Variants in DISC1 observed in about 807,000 individuals in gnomAD.
The protein encoded by DISC1 is DISC1 scaffold protein.
In DISC1, 57 loss-of-function variants were observed where a neutral mutation model predicts 84.5. That is an observed-to-expected ratio of 0.67 (90% CI 0.55 to 0.84). The LOEUF (loss-of-function observed/expected upper bound fraction) is 0.84. Among genes scored for constraint, DISC1 ranks in the 40% least tolerant of loss-of-function variants. The pLI, the probability that DISC1 is intolerant of heterozygous loss-of-function variation, is 0.00. For synonymous variants in DISC1, 411 were observed against 415.2 expected, an observed-to-expected ratio of 0.99 and a Z score of 0.12; for missense variants, 1,000 against 1,057.8, an observed-to-expected ratio of 0.95 and a Z score of 0.76.
At chr1:231,713,705 T>G (rs1231841219) in intron 3 of DISC1, among the ~76,000 whole-genome samples, 8 of 47,840 alleles carry the variant, frequency 1.7e-4, no homozygotes, top group African/African-American at 6.9e-4. Flanking sequence ...ATATAGGAGA[T>G]ATATATATAT....
At chr1:231,856,265 A>G (rs1039222850) in intron 9 of DISC1, among the ~76,000 whole-genome samples, 1 of 152,112 alleles carries the variant, frequency 6.6e-6, no homozygotes, top group African/African-American at 2.4e-5. Flanking sequence ...GAAACTGTGC[A>G]ATGAAGAGGC....
At chr1:231,776,109 C>T (rs1368168861) in intron 6 of DISC1, among the ~76,000 whole-genome samples, 2 of 152,124 alleles carry the variant, frequency 1.3e-5, no homozygotes, top group African/African-American at 4.8e-5. Flanking sequence ...CCTCCCCTGG[C>T]TTCTTGTTGG....
At chr1:232,020,498 C>T (rs1193646434) in intron 11 of DISC1, among the ~76,000 whole-genome samples, 30 of 152,086 alleles carry the variant, frequency 2.0e-4, no homozygotes, top group Admixed American at 1.8e-3. Context: ...GGAAGGTTTC[C>T]GACATTCTTA....
At chr1:231,656,592 T>C (rs949333896) in intron 1 of DISC1, among the ~76,000 whole-genome samples, 1 of 152,134 alleles carries the variant, frequency 6.6e-6, no homozygotes, top group African/African-American at 2.4e-5. Flanking sequence ...TCTATATGAA[T>C]TTTAGGATTG....
intron 1 of DISC1, among the ~76,000 whole-genome samples, chr1:231,657,322 A>G (rs1181731330): frequency 6.6e-6 from 1 of 152,232 alleles, no homozygotes; most frequent in African/African-American, 2.4e-5. Flanking sequence ...AGTAACAGCC[A>G]TTCTGACTGG....
chr1:231,670,877 G>A (rs958842249), intron 1 of DISC1: 1 of 152,158 alleles, frequency 6.6e-6, no homozygotes, highest in East Asian at 1.9e-4. Context: ...GCCTATGGTT[G>A]TTTTAGTATC....
intron 9 of DISC1, among the ~76,000 whole-genome samples, chr1:231,893,802 C>T (rs552762642): frequency 6.6e-5 from 10 of 152,212 alleles, no homozygotes; most frequent in South Asian, 2.1e-4. Flanking sequence ...GGGGAGATGA[C>T]GCTTACTCTG....
At chr1:231,914,660 G>A (rs980780989) in intron 9 of DISC1, among the ~76,000 whole-genome samples, 2 of 152,170 alleles carry the variant, frequency 1.3e-5, no homozygotes, top group Admixed American at 6.5e-5. Context: ...ATCCGTCCCC[G>A]TGATTATACA....
At chr1:231,651,001 G>A (rs1444036457) in intron 1 of DISC1, among the ~76,000 whole-genome samples, 1 of 152,046 alleles carries the variant, frequency 6.6e-6, no homozygotes, top group Non-Finnish European at 1.5e-5. Flanking sequence ...CTAGCAATGG[G>A]TTCAAATGTC....
chr1:232,021,127 G>A (rs1019697753), intron 11 of DISC1, among the ~76,000 whole-genome samples: 1 of 152,130 alleles, frequency 6.6e-6, no homozygotes, highest in Non-Finnish European at 1.5e-5. Flanking sequence ...GTGAGGGTCC[G>A]GGAGACAGGA....
chr1:231,772,670 C>T (rs200121174), intron 6 of DISC1, among the ~76,000 whole-genome samples: 3 of 152,190 alleles, frequency 2.0e-5, no homozygotes, highest in Non-Finnish European at 4.4e-5. Context: ...TTCCAGTCGT[C>T]GTCTTTACAA....
chr1:231,952,074 C>CCTT (rs1377303029), intron 9 of DISC1, among the ~76,000 whole-genome samples: 1 of 128,874 alleles, frequency 7.8e-6, no homozygotes, highest in Non-Finnish European at 1.6e-5. Context: ...CAGAGCAAGA[C>CCTT]CTTGTCTCAA....
At chr1:231,674,252 T>A (rs1030579244) in intron 1 of DISC1, among the ~76,000 whole-genome samples, 4 of 131,330 alleles carry the variant, frequency 3.0e-5, no homozygotes, top group African/African-American at 1.8e-4. Flanking sequence ...GTTTTTGATT[T>A]TTTTTTTTCC....
intron 9 of DISC1, 67 bp from the exon 10 acceptor site, chr1:231,958,761 G>T: frequency 6.7e-7 from 1 of 1,496,332 alleles, no homozygotes; most frequent in Non-Finnish European, 9.3e-7. Flanking sequence ...TGAGCTTTTA[G>T]TTGAATGGTT....
At chr1:231,756,121 A>G (rs1445611833) in intron 4 of DISC1, among the ~76,000 whole-genome samples, 1 of 152,178 alleles carries the variant, frequency 6.6e-6, no homozygotes, top group East Asian at 1.9e-4. Flanking sequence ...GAAATATTAT[A>G]TGTTACCCCC....
intron 4 of DISC1, among the ~76,000 whole-genome samples, chr1:231,762,718 TG>T (rs1193733412): frequency 6.6e-6 from 1 of 151,870 alleles, no homozygotes; most frequent in African/African-American, 2.4e-5. Context: ...ATACAAACAT[TG>T]AGATCCTGGG....
intron 9 of DISC1, among the ~76,000 whole-genome samples, chr1:231,831,447 C>T (rs375511658): frequency 0.032 from 3,805 of 120,644 alleles, no homozygotes; most frequent in Admixed American, 0.061. Context: ...TGGGAAGAGA[C>T]TGATAGGTGG....
At chr1:231,916,518 A>C (rs952611646) in intron 9 of DISC1, among the ~76,000 whole-genome samples, 1 of 150,742 alleles carries the variant, frequency 6.6e-6, no homozygotes, top group Non-Finnish European at 1.5e-5. Flanking sequence ...AGCCGGGCGT[A>C]GTGGCGGGCG....
rs369341922 is a variant in DISC1 at position 231,826,435 on chromosome 1, AT to A, written c.1981+7927del. 1.3e-5 allele frequency among the ~76,000 whole-genome samples: 2 copies of A among 151,152 alleles called. No individual in the cohort carries two copies. The highest frequency in any genetic ancestry group is 2.4e-5 in the African/African-American group (1 of 41,096). ...TGTTGAACATCCTGAAAAGACGGGTATTTTTTTTTCATTTTTGAAGTTTTCA... is the reference window on the plus strand; with the variant it reads ...TGTTGAACATCCTGAAAAGACGGGTATTTTTTTTCATTTTTGAAGTTTTCA... On this transcript the variant is annotated intron_variant, in intron 9 of 12. Transcript: ENST00000439617. The surrounding 1 kb of genome is among the most constrained non-coding windows in gnomAD (Gnocchi z 4.2).
Sources: allele counts gnomAD v4.1 joint callset (sites outside exome capture counted in the v4.1 genomes callset), GRCh38; gene constraint gnomAD v4.1.1; non-coding constraint Gnocchi (gnomAD v3.1); transcripts MANE v1.5; gene names NCBI Gene and HGNC (gene_info 2026-07-23, HGNC 2026-07-21).